Variants in SAMD12 observed in about 807,000 individuals in gnomAD.
SAMD12 encodes the protein sterile alpha motif domain containing 12, also known as sterile alpha motif domain-containing protein 12.
A neutral mutation model predicts 15.0 loss-of-function variants in SAMD12; 9 were observed. The ratio of observed to expected loss-of-function variants is 0.60; its 90% confidence interval spans 0.36 to 1.05. The LOEUF (loss-of-function observed/expected upper bound fraction) is 1.05, where lower values mean the gene tolerates loss of function less well. Among genes scored for constraint, SAMD12 ranks in the 50% least tolerant of loss-of-function variants. The pLI is 0.01. For synonymous variants in SAMD12, 86 were observed against 90.1 expected, an observed-to-expected ratio of 0.96 and a Z score of 0.25; for missense variants, 230 against 234.2, an observed-to-expected ratio of 0.98 and a Z score of 0.12.
At chr8:118,177,424 T>C in the SAMD12 span, among the ~76,000 whole-genome samples, 1 of 151,862 alleles carries the variant, frequency 6.6e-6, no homozygotes, top group Non-Finnish European at 1.5e-5. Flanking sequence ...TTTAATCTTT[T>C]GTAGAGACAG....
chr8:118,474,801 TA>T (rs1180856052), intron 2 of SAMD12, among the ~76,000 whole-genome samples: 2 of 152,228 alleles, frequency 1.3e-5, no homozygotes, highest in African/African-American at 4.8e-5. Flanking sequence ...AACCTCTTGC[TA>T]AAATTTGATC....
At chr8:118,288,864 T>C (rs1814202947) in intron 4 of SAMD12, among the ~76,000 whole-genome samples, 1 of 152,238 alleles carries the variant, frequency 6.6e-6, no homozygotes, top group Non-Finnish European at 1.5e-5. Context: ...GGGGCACATA[T>C]ATATGATGTC....
rs149903738 is a variant in SAMD12, at chr8:118,455,704, C to T, written c.193-15743G>A. ...ACAAACAGAACTTTCAAACTTAACA[C>T]GCTCAAAACAAAATTCATGACTTCC... On this transcript the variant is annotated intron_variant, in intron 2 of 3. Transcript: ENST00000314727. Among the ~76,000 whole-genome samples, 1,020 of 152,296 alleles carry T rather than the reference C, an allele frequency of 6.7e-3. 31 individuals carry two copies. The highest frequency in any genetic ancestry group is 0.04 in the Admixed American group (608 of 15,290).
At chr8:118,284,367 C>T (rs970077034) in intron 4 of SAMD12, 1 of 455,826 alleles carries the variant, frequency 2.2e-6, no homozygotes, top group South Asian at 1.5e-5. Context: ...AATTTTCACA[C>T]TGAATTGGAC....
intron 4 of SAMD12, among the ~76,000 whole-genome samples, chr8:118,368,721 A>C (rs146285686): frequency 2.7e-3 from 406 of 152,328 alleles, no homozygotes; most frequent in Non-Finnish European, 4.8e-3. Flanking sequence ...AAATAGAGGA[A>C]GAAAATGAGA....
At chr8:118,144,219 A>G in the SAMD12 span, among the ~76,000 whole-genome samples, 2 of 152,222 alleles carry the variant, frequency 1.3e-5, no homozygotes, top group African/African-American at 4.8e-5. Context: ...TTGTCTCTTC[A>G]TCTCAAGATC....
At chr8:118,482,635 A>G (rs1824160605) in intron 2 of SAMD12, among the ~76,000 whole-genome samples, 1 of 152,198 alleles carries the variant, frequency 6.6e-6, no homozygotes, top group South Asian at 2.1e-4. Flanking sequence ...TTATATGCAA[A>G]TACTATGCAA....
rs188956284 is a variant in SAMD12 at position 118,544,134 on chromosome 8, C to A, written c.192+36581G>T. On this transcript the variant is annotated intron_variant, in intron 2 of 3. Transcript: ENST00000314727. ...GTCGGCTCTTCTCCAAATGGCAATA[C>A]TCATTCCAACCTTTTCCTGGTCACA... 1.5e-3 allele frequency among the ~76,000 whole-genome samples: 222 copies of A among 152,190 alleles called. 1 individual carries two copies. Among genetic ancestry groups the A allele is most frequent in the Non-Finnish European group, 8.4e-4 (57 of 68,018 alleles).
intron 4 of SAMD12, among the ~76,000 whole-genome samples, chr8:118,333,188 A>T (rs1341738016): frequency 6.6e-6 from 1 of 152,202 alleles, no homozygotes; most frequent in Non-Finnish European, 1.5e-5. Context: ...AAGTTCTAAA[A>T]GCCAGTGTCT....
At chr8:118,445,138 T>G (rs1236357795) in intron 2 of SAMD12, among the ~76,000 whole-genome samples, 4 of 152,072 alleles carry the variant, frequency 2.6e-5, no homozygotes, top group South Asian at 4.1e-4. Context: ...TTACTCAAGA[T>G]TACAGAGAGA....
chr8:118,418,116 T>C (rs1425233335), intron 3 of SAMD12, among the ~76,000 whole-genome samples: 1 of 152,228 alleles, frequency 6.6e-6, no homozygotes, highest in Non-Finnish European at 1.5e-5. Flanking sequence ...AATAGGACGA[T>C]TTTTGTAAAA....
intron 2 of SAMD12, among the ~76,000 whole-genome samples, chr8:118,551,622 A>G (rs1435497436): frequency 1.3e-5 from 2 of 151,786 alleles, no homozygotes; most frequent in South Asian, 2.1e-4. Context: ...AAGAACTAGA[A>G]AAGCAAGAGC....
At chr8:118,391,074 A>C (rs1820250062) in intron 3 of SAMD12, among the ~76,000 whole-genome samples, 1 of 152,170 alleles carries the variant, frequency 6.6e-6, no homozygotes, top group Non-Finnish European at 1.5e-5. Flanking sequence ...ACAGTATGTT[A>C]AAGGTTAAAT....
chr8:118,558,148 T>C (rs1826596343), intron 2 of SAMD12, among the ~76,000 whole-genome samples: 2 of 152,224 alleles, frequency 1.3e-5, no homozygotes, highest in African/African-American at 4.8e-5. Flanking sequence ...CTCTAGGTTA[T>C]AGCATATTTA....
rs530382704 is a variant in SAMD12, at chr8:118,453,175, T to C, written c.193-13214A>G. Among the ~76,000 whole-genome samples, 68 of 152,346 alleles carry C rather than the reference T, an allele frequency of 4.5e-4. 3 individuals are homozygous for C. The South Asian group carries it at 0.014, about 31-fold the overall frequency. On this transcript the variant is annotated intron_variant, in intron 2 of 3. Transcript: ENST00000314727. Reference sequence around the variant, plus strand: ...TCTACAATATTACTTTTATTATATATTGTCAAGGTTAACAGCAATATTTTC... The same window carrying C: ...TCTACAATATTACTTTTATTATATACTGTCAAGGTTAACAGCAATATTTTC...
chr8:118,571,858 G>T (rs752488906), intron 2 of SAMD12, among the ~76,000 whole-genome samples: 1 of 152,198 alleles, frequency 6.6e-6, no homozygotes, highest in Non-Finnish European at 1.5e-5. Context: ...GGGAAATGTG[G>T]GGTCAGAGCC....
intron 2 of SAMD12, among the ~76,000 whole-genome samples, chr8:118,522,362 T>G (rs1400315930): frequency 6.6e-6 from 1 of 152,054 alleles, no homozygotes; most frequent in African/African-American, 2.4e-5. Context: ...TTGGCAGTAT[T>G]TTGGGAGACC....
the SAMD12 span, among the ~76,000 whole-genome samples, chr8:118,134,355 G>A: frequency 6.6e-6 from 1 of 152,218 alleles, no homozygotes; most frequent in Non-Finnish European, 1.5e-5. Context: ...GGCTTTTTCT[G>A]GAAGTCACTA....
At chr8:118,381,488 T>C (rs1819667044) in intron 3 of SAMD12, among the ~76,000 whole-genome samples, 1 of 152,168 alleles carries the variant, frequency 6.6e-6, no homozygotes, top group African/African-American at 2.4e-5. Flanking sequence ...CAAATGTGAT[T>C]AAGGTAAGGA....
Sources: gnomAD v4.1 joint callset for allele counts (sites outside exome capture counted in the v4.1 genomes callset) on GRCh38, gnomAD v4.1.1 for gene constraint, MANE v1.5 for transcripts, NCBI Gene and HGNC (gene_info 2026-07-23, HGNC 2026-07-21) for gene names.